OR1J2: variants seen among roughly 807,000 people sequenced by gnomAD.
OR1J2 encodes olfactory receptor 1J2.
For synonymous variants in OR1J2, 142 were observed against 99.7 expected (o/e 1.42, Z -2.52); for missense variants, 304 against 246.1 (o/e 1.24, Z -1.57).
At chr9:122,450,527 A>G in the OR1J2 span, among the ~76,000 whole-genome samples, 1 of 152,236 alleles carries the variant, frequency 6.6e-6, no homozygotes, top group Non-Finnish European at 1.5e-5. Context: ...ACACACGTAC[A>G]CATTATGTAA....
the OR1J2 span, among the ~76,000 whole-genome samples, chr9:122,552,462 A>C: frequency 2.0e-5 from 3 of 152,150 alleles, no homozygotes; most frequent in African/African-American, 7.2e-5. Context: ...GCATAGCAGC[A>C]AAAAAGGGAA....
At chr9:122,506,814 C>A (rs1828530286), upstream of OR1J2, among the ~76,000 whole-genome samples, 1 of 151,798 alleles carries the variant, frequency 6.6e-6, no homozygotes, top group Non-Finnish European at 1.5e-5. Flanking sequence ...GAGAAAGGGG[C>A]AAAAGGAGAA....
the OR1J2 span, among the ~76,000 whole-genome samples, chr9:122,568,939 T>C: frequency 6.6e-6 from 1 of 152,064 alleles, no homozygotes; most frequent in African/African-American, 2.4e-5. Flanking sequence ...TATTAGAAGA[T>C]GGAGGTTGCT....
the OR1J2 span, among the ~76,000 whole-genome samples, chr9:122,459,975 A>C: frequency 6.6e-6 from 1 of 151,888 alleles, no homozygotes; most frequent in Non-Finnish European, 1.5e-5. Context: ...TTTTGCACCA[A>C]CCTAATATTA....
the OR1J2 span, among the ~76,000 whole-genome samples, chr9:122,552,797 T>TGTGTGTGTGTGTGTG: frequency 2.6e-4 from 35 of 135,360 alleles, no homozygotes; most frequent in South Asian, 5.0e-4. Context: ...TGTGTGTGTG[T>TGTGTGTGTGTGTGTG]TGGAGGAGGG....
chr9:122,557,444 T>G, the OR1J2 span, among the ~76,000 whole-genome samples: 1 of 152,054 alleles, frequency 6.6e-6, no homozygotes, highest in Non-Finnish European at 1.5e-5. Flanking sequence ...GTGAAGTGCT[T>G]TTTCTGCATC....
the OR1J2 span, chr9:122,477,621 A>C: frequency 1.2e-5 from 20 of 1,614,114 alleles, no homozygotes; most frequent in Non-Finnish European, 1.5e-5. Context: ...ATATGAAAAA[A>C]TATGTCTGTG....
the OR1J2 span, among the ~76,000 whole-genome samples, chr9:122,486,904 A>G: frequency 6.6e-6 from 1 of 152,218 alleles, no homozygotes; most frequent in Non-Finnish European, 1.5e-5. Context: ...TAATTTCTTA[A>G]AAGCCTTTGC....
At chr9:122,491,169 CTA>C in the OR1J2 span, among the ~76,000 whole-genome samples, 1 of 152,092 alleles carries the variant, frequency 6.6e-6, no homozygotes, top group Admixed American at 6.6e-5. Context: ...GAAAACCTCT[CTA>C]AATTTATGGC....
the OR1J2 span, among the ~76,000 whole-genome samples, chr9:122,574,811 TGTTA>T: frequency 2.0e-5 from 3 of 152,100 alleles, no homozygotes; most frequent in Non-Finnish European, 4.4e-5. Context: ...TCATGTATAA[TGTTA>T]GTTGTAGGAT....
the OR1J2 span, among the ~76,000 whole-genome samples, chr9:122,530,555 C>T: frequency 2.0e-5 from 3 of 152,212 alleles, no homozygotes; most frequent in Middle Eastern, 3.4e-3. Flanking sequence ...AATTGGGAAG[C>T]TTTACTTTTT....
chr9:122,528,848 C>T, the OR1J2 span, among the ~76,000 whole-genome samples: 2 of 152,164 alleles, frequency 1.3e-5, no homozygotes. Context: ...GAGGAAGATA[C>T]GGTATGAAAA....
the OR1J2 span, among the ~76,000 whole-genome samples, chr9:122,521,114 T>C: frequency 6.6e-6 from 1 of 152,192 alleles, no homozygotes; most frequent in Admixed American, 6.5e-5. Flanking sequence ...TCTGTATAGG[T>C]GAAAAAAGTT....
chr9:122,449,020 T>C, the OR1J2 span: 8 of 120,820 alleles, frequency 6.6e-5, no homozygotes, highest in African/African-American at 2.5e-4. Context: ...AAAAAAAAAG[T>C]AGGGTAAGAA....
chr9:122,575,076 T>A, the OR1J2 span, among the ~76,000 whole-genome samples: 1 of 152,140 alleles, frequency 6.6e-6, no homozygotes, highest in Admixed American at 6.5e-5. Flanking sequence ...TAAATCTTTT[T>A]ATACATTGTT....
chr9:122,471,806 A>T, the OR1J2 span, among the ~76,000 whole-genome samples: 1 of 152,188 alleles, frequency 6.6e-6, no homozygotes, highest in Non-Finnish European at 1.5e-5. Flanking sequence ...GAAGCACAGA[A>T]TTGGGCATCT....
the OR1J2 span, among the ~76,000 whole-genome samples, chr9:122,572,432 G>C: frequency 1.3e-5 from 2 of 152,188 alleles, no homozygotes; most frequent in Non-Finnish European, 2.9e-5. Context: ...GCTCCAGACT[G>C]TAGACATGAG....
At chr9:122,519,108 C>A in the OR1J2 span, 3 of 1,436,062 alleles carry the variant, frequency 2.1e-6, no homozygotes, top group Non-Finnish European at 2.9e-6. Context: ...TTTTCAATGT[C>A]CCTCTATTTC....
chr9:122,566,714 C>A, the OR1J2 span, among the ~76,000 whole-genome samples: 1 of 152,094 alleles, frequency 6.6e-6, no homozygotes, highest in East Asian at 1.9e-4. Context: ...ATTCAATACA[C>A]ATTTACAATA....
Sources: gnomAD v4.1 joint callset for allele counts (sites outside exome capture counted in the v4.1 genomes callset) on GRCh38, gnomAD v4.1.1 for gene constraint, MANE v1.5 for transcripts, NCBI Gene and HGNC (gene_info 2026-07-23, HGNC 2026-07-21) for gene names.